ACVR1: variants seen among roughly 807,000 people sequenced by gnomAD.
ACVR1 encodes the protein activin receptor type-1.
A neutral mutation model predicts 57.1 loss-of-function variants in ACVR1; 38 were observed. That is an observed-to-expected ratio of 0.67 (90% CI 0.51 to 0.87). ACVR1 has a LOEUF of 0.87. Ranked by LOEUF, ACVR1 falls within the 40% of genes least tolerant of loss-of-function variation. The pLI is 0.00. For synonymous variants in ACVR1, 212 were observed against 228.1 expected, an observed-to-expected ratio of 0.93 and a Z score of 0.63; for missense variants, 463 against 638.2, an observed-to-expected ratio of 0.73 and a Z score of 2.96.
chr2:157,778,703 A>T (rs548934532), intron 4 of ACVR1, among the ~76,000 whole-genome samples: 1 of 152,334 alleles, frequency 6.6e-6, no homozygotes, highest in African/African-American at 2.4e-5. Context: ...TCCTTAAGAG[A>T]AAGGGCTACC....
At chr2:157,778,044 T>C in intron 5 of ACVR1, 87 bp downstream of exon 5, 3 of 1,389,954 alleles carry the variant, frequency 2.2e-6, no homozygotes, top group Non-Finnish European at 3.1e-6. Flanking sequence ...AGTCACTCAT[T>C]ACTGGTTAGC....
chr2:157,753,420 C>G (rs906209392), intron 9 of ACVR1, among the ~76,000 whole-genome samples: 1 of 152,046 alleles, frequency 6.6e-6, no homozygotes, highest in Admixed American at 6.5e-5. Flanking sequence ...CCCAGCTACT[C>G]AGGAGGCTGA....
intron 2 of ACVR1, among the ~76,000 whole-genome samples, chr2:157,802,296 G>A (rs931582072): frequency 6.6e-6 from 1 of 152,114 alleles, no homozygotes. Flanking sequence ...GAGCAAGCAT[G>A]GTGTGTCCTG....
intron 1 of ACVR1, among the ~76,000 whole-genome samples, chr2:157,853,618 T>A (rs1413019068): frequency 6.6e-6 from 1 of 152,154 alleles, no homozygotes; most frequent in Non-Finnish European, 1.5e-5. Flanking sequence ...CCAAATCTAA[T>A]CTGATCCTTT....
chr2:157,777,041 C>T (rs991187983), intron 5 of ACVR1, among the ~76,000 whole-genome samples: 3 of 152,204 alleles, frequency 2.0e-5, no homozygotes, highest in Admixed American at 1.3e-4. Context: ...AGGCATCAGA[C>T]TCAGCATAAT....
intron 1 of ACVR1, among the ~76,000 whole-genome samples, chr2:157,844,698 C>A (rs1301815985): frequency 6.6e-6 from 1 of 152,040 alleles, no homozygotes. Context: ...CAAAAGAAAC[C>A]CTTTTGACCT....
At chr2:157,770,931 A>G (rs992997533) in intron 6 of ACVR1, among the ~76,000 whole-genome samples, 1 of 152,368 alleles carries the variant, frequency 6.6e-6, no homozygotes, top group Middle Eastern at 3.4e-3. Context: ...GTACATCAGT[A>G]AACTGAATTC....
At chr2:157,824,601 G>C (rs1209232875) in intron 1 of ACVR1, among the ~76,000 whole-genome samples, 3 of 152,152 alleles carry the variant, frequency 2.0e-5, no homozygotes, top group Non-Finnish European at 4.4e-5. Flanking sequence ...AAAAAATCCA[G>C]ACACCAAACA....
rs1686374406 is a variant in ACVR1 at position 157,778,361 on chromosome 2, G to A, written c.332-19C>T. 6.3e-7 allele frequency: 1 copy of A among 1,596,766 alleles called. No homozygotes were observed. The highest frequency in any genetic ancestry group is 8.6e-7 in the Non-Finnish European group (1 of 1,165,984). Reference sequence around the variant, plus strand: ...GATTTTCCTGGAGTTGGAGGGAAAAGGGGGAATTAGTTGTAAGGATCACTG... The same window carrying A: ...GATTTTCCTGGAGTTGGAGGGAAAAAGGGGAATTAGTTGTAAGGATCACTG... On this transcript the variant is annotated intron_variant, in intron 4 of 10. Coordinates refer to ENST00000434821, the MANE Select transcript of ACVR1 (RefSeq NM_001111067.4).
chr2:157,783,603 A>G (rs988785341), intron 3 of ACVR1, among the ~76,000 whole-genome samples: 1 of 152,188 alleles, frequency 6.6e-6, no homozygotes, highest in Non-Finnish European at 1.5e-5. Flanking sequence ...GATGTGAAAT[A>G]CCAGGGTTTT....
At chr2:157,769,992 A>G (rs1686014756) in intron 7 of ACVR1, among the ~76,000 whole-genome samples, 1 of 152,222 alleles carries the variant, frequency 6.6e-6, no homozygotes, top group South Asian at 2.1e-4. Context: ...TCTCTAGGAA[A>G]TAGTCCAAAG....
At chr2:157,847,662 T>C (rs1689166575) in intron 1 of ACVR1, among the ~76,000 whole-genome samples, 1 of 152,192 alleles carries the variant, frequency 6.6e-6, no homozygotes, top group African/African-American at 2.4e-5. Flanking sequence ...GGTTCTTACC[T>C]TCAAAGAGTT....
chr2:157,841,235 A>C (rs1206324078), intron 1 of ACVR1, among the ~76,000 whole-genome samples: 1 of 152,214 alleles, frequency 6.6e-6, no homozygotes, highest in Non-Finnish European at 1.5e-5. Flanking sequence ...AAACTATAGA[A>C]TACACAGGCT....
chr2:157,846,634 T>C (rs1224044773), intron 1 of ACVR1, among the ~76,000 whole-genome samples: 8 of 152,210 alleles, frequency 5.3e-5, no homozygotes, highest in Admixed American at 5.2e-4. Flanking sequence ...ACCACCTTGT[T>C]CCAGAAACAA....
chr2:157,765,844 G>A (rs1206092050), intron 8 of ACVR1, 77 bp downstream of exon 8: 11 of 1,462,164 alleles, frequency 7.5e-6, no homozygotes, highest in Admixed American at 3.5e-5. Flanking sequence ...AACATGTTGT[G>A]GGGGAGAGAT....
At chr2:157,837,754 A>G (rs1317910504) in intron 1 of ACVR1, among the ~76,000 whole-genome samples, 6 of 152,158 alleles carry the variant, frequency 3.9e-5, no homozygotes, top group Non-Finnish European at 8.8e-5. Context: ...TGGAACAGTG[A>G]GCATTAAGAG....
intron 9 of ACVR1, among the ~76,000 whole-genome samples, chr2:157,757,021 G>GATATATATATATATATATATTTGATAT (rs1685461235): frequency 1.9e-5 from 2 of 106,434 alleles, no homozygotes; most frequent in African/African-American, 9.9e-5. Flanking sequence ...ATATATATTT[G>GATATATATATATATATATATTTGATAT]ATATATATAT....
In ACVR1 at chr2:157,831,902, T is replaced by C. The variant is rs143091161; in HGVS notation, c.-182-13343A>G. ...GGCTACACTAAAAACCACTGAATAG[T>C]ACATTATAAAAGGGTGAATGTTTTT... On this transcript the variant is annotated intron_variant, in intron 1 of 10. Coordinates refer to ENST00000434821, the MANE Select transcript of ACVR1 (RefSeq NM_001111067.4). Among the ~76,000 whole-genome samples the C allele has an allele frequency of 9.1e-4, 139 of 152,368 alleles. 1 individual carries two copies. The highest frequency in any genetic ancestry group is 2.8e-3 in the African/African-American group (118 of 41,600).
chr2:157,761,347 T>A (rs1175868328), intron 8 of ACVR1, among the ~76,000 whole-genome samples: 2 of 152,122 alleles, frequency 1.3e-5, no homozygotes, highest in African/African-American at 4.8e-5. Flanking sequence ...TGTAGACCAA[T>A]GCACTAAACC....
Sources: allele counts gnomAD v4.1 joint callset (sites outside exome capture counted in the v4.1 genomes callset), GRCh38; gene constraint gnomAD v4.1.1; transcripts MANE v1.5; gene names NCBI Gene and HGNC (gene_info 2026-07-23, HGNC 2026-07-21).